NRAS: variants seen among roughly 807,000 people sequenced by gnomAD.
NRAS encodes the protein GTPase NRas.
NRAS carries 6 observed loss-of-function variants against 21.3 expected under a neutral mutation model. The ratio of observed to expected loss-of-function variants is 0.28; its 90% CI spans 0.15 to 0.56. The LOEUF (loss-of-function observed/expected upper bound fraction) is 0.56. NRAS is among the 20% of genes least tolerant of loss of function. NRAS has a pLI of 0.93. For synonymous variants in NRAS, 84 were observed against 82.0 expected, an observed-to-expected ratio of 1.02 and a Z score of -0.13; for missense variants, 143 against 231.3, an observed-to-expected ratio of 0.62 and a Z score of 2.48.
rs1557980400 is a variant in NRAS at position 114,707,171 on chromosome 1, C to T, written c.*923G>A. The stretch of plus-strand genomic sequence containing the variant: ...ATTACATACATTGTATAGGTAGTAA[C>T]CTATGAAAAAAGTGGAGATTAGGTA... On this transcript the variant is annotated 3_prime_UTR_variant, in exon 7 of 7. Coordinates refer to ENST00000369535, the MANE Select transcript of NRAS (RefSeq NM_002524.5). The T allele has an allele frequency of 1.3e-5, 2 of 152,440 alleles. No individual in the cohort carries two copies. The highest frequency in any genetic ancestry group is 2.9e-5 in the Non-Finnish European group (2 of 67,984). 9.4% of individuals were successfully genotyped at this position (152,440 alleles called of 1,614,324 possible). A position where few individuals can be genotyped will look rare whatever the true frequency, so the allele number is the denominator to read the frequency against.
chr1:114,708,333 T>A, intron 5 of NRAS, 141 bp from the exon 6 acceptor site: 2 of 603,572 alleles, frequency 3.3e-6, no homozygotes, highest in Non-Finnish European at 5.9e-6. Flanking sequence ...ACCAAAAATA[T>A]AAAGATACCT....
intron 4 of NRAS, among the ~76,000 whole-genome samples, chr1:114,708,855 A>C (rs1458506609): frequency 6.6e-6 from 1 of 152,254 alleles, no homozygotes; most frequent in African/African-American, 2.4e-5. Flanking sequence ...GAACAGGCTG[A>C]TATAAAAATG....
At chr1:114,716,550 C>A (rs1211416057) in intron 1 of NRAS, 108 bp downstream of exon 1, 5 of 352,104 alleles carry the variant, frequency 1.4e-5, no homozygotes, top group African/African-American at 1.1e-4. Context: ...GGACCCCCGC[C>A]CAAGGCCTTT....
chr1:114,710,526 GAAAGA>G lies in NRAS; in HGVS notation c.291-803_291-799del, dbSNP rs376689392. 3.5e-3 allele frequency among the ~76,000 whole-genome samples: 523 copies of G among 149,932 alleles called. 3 individuals carry two copies. The highest frequency in any genetic ancestry group is 0.012 in the African/African-American group (497 of 40,788). ...GAAAAAAGAAAGAAAAGAAAGGGAA[GAAAGA>G]AAAGAAAAGAGAAAAGAAAAAGAGA... is the stretch of plus-strand genomic sequence containing the variant. On this transcript the variant is annotated intron_variant, in intron 3 of 6. Coordinates refer to ENST00000369535, the MANE Select transcript of NRAS (RefSeq NM_002524.5).
intron 2 of NRAS, 152 bp from the exon 3 acceptor site, chr1:114,714,130 T>C (rs1348813265): frequency 7.4e-6 from 4 of 538,742 alleles, no homozygotes; most frequent in Non-Finnish European, 1.3e-5. Flanking sequence ...AAATTGCTAA[T>C]ATATAATCAC....
At position 114,707,336 on chromosome 1, in the gene NRAS, T is replaced by C. The variant is rs144222380; in HGVS notation, c.*758A>G. 4.6e-5 allele frequency: 7 copies of C among 152,750 alleles called. No homozygotes were observed. The highest frequency in any genetic ancestry group is 3.3e-4 in the Admixed American group (5 of 15,308). The allele number at this position is 152,750 out of a possible 1,614,324, so 9.5% of individuals were successfully genotyped here. The stretch of plus-strand genomic sequence containing the variant: ...TCAAATAGATATAGCTTTCCTTCAA[T>C]GGTAGATAAGTCACAGACGTATCTC... On this transcript the variant is annotated 3_prime_UTR_variant, in exon 7 of 7. Coordinates refer to ENST00000369535, the MANE Select transcript of NRAS (RefSeq NM_002524.5).
At position 114,716,170 on chromosome 1, in the gene NRAS, G is replaced by C. The variant is rs757183827; in HGVS notation, c.-10C>G. 6.3e-7 allele frequency: 1 copy of C among 1,584,306 alleles called. No homozygotes were observed. Among genetic ancestry groups the C allele is most frequent in the South Asian group, 1.1e-5 (1 of 90,460 alleles). ...GTTTGTACTCAGTCATTTCACACCA[G>C]CAAGAACCTGTTGGAAACCAGTAAT... On this transcript the variant is annotated 5_prime_UTR_variant, in exon 2 of 7. Coordinates refer to ENST00000369535, the MANE Select transcript of NRAS (RefSeq NM_002524.5).
intron 3 of NRAS, among the ~76,000 whole-genome samples, chr1:114,710,392 T>C (rs776060625): frequency 2.0e-5 from 3 of 148,610 alleles, no homozygotes; most frequent in Admixed American, 6.7e-5. Flanking sequence ...GGCGCATGCC[T>C]GTAGTCCCAG....
chr1:114,710,043 T>C lies in NRAS; in HGVS notation c.291-315A>G, dbSNP rs181673934. 4.3e-3 allele frequency among the ~76,000 whole-genome samples: 648 copies of C among 150,962 alleles called. 9 individuals carry two copies. Among genetic ancestry groups the C allele is most frequent in the Non-Finnish European group, 3.9e-3 (267 of 67,796 alleles). On this transcript the variant is annotated intron_variant, in intron 3 of 6. Transcript: ENST00000369535. Reference sequence around the variant, plus strand: ...CCATCTCTACTAAAAATACAAAAATTAGCCAGGTGTGGTGGCAGGCGCCTA... The same window carrying C: ...CCATCTCTACTAAAAATACAAAAATCAGCCAGGTGTGGTGGCAGGCGCCTA...
At chr1:114,716,381 AAC>A (rs918053940) in intron 1 of NRAS, among the ~76,000 whole-genome samples, 9 of 152,078 alleles carry the variant, frequency 5.9e-5, no homozygotes, top group African/African-American at 2.2e-4. Context: ...GCTATTTTTC[AAC>A]AGTCCTTGGG....
chr1:114,708,737 CTCTT>C, intron 4 of NRAS, 83 bp from the exon 5 acceptor site: 1 of 1,284,586 alleles, frequency 7.8e-7, no homozygotes, highest in Non-Finnish European at 1.1e-6. Flanking sequence ...GCATTTGTAT[CTCTT>C]TATGTGGACA....
chr1:114,714,687 T>C (rs1314642962), intron 2 of NRAS, among the ~76,000 whole-genome samples: 1 of 152,212 alleles, frequency 6.6e-6, no homozygotes, highest in Non-Finnish European at 1.5e-5. Context: ...TATACTGTTA[T>C]CTGGGTGGTA....
At chr1:114,711,699 C>G (rs1009412396) in intron 3 of NRAS, among the ~76,000 whole-genome samples, 2 of 151,960 alleles carry the variant, frequency 1.3e-5, no homozygotes, top group Non-Finnish European at 2.9e-5. Flanking sequence ...ATAAGAACTG[C>G]TCTTAGTAAA....
chr1:114,709,750 C>T, intron 3 of NRAS, 22 bp from the exon 4 acceptor site: 1 of 1,601,860 alleles, frequency 6.2e-7, no homozygotes, highest in Non-Finnish European at 8.6e-7. Flanking sequence ...AATATATTAT[C>T]AGAACATAAG....
At chr1:114,715,460 T>C (rs1659138723) in intron 2 of NRAS, among the ~76,000 whole-genome samples, 1 of 152,246 alleles carries the variant, frequency 6.6e-6, no homozygotes, top group African/African-American at 2.4e-5. Context: ...ATATATTATT[T>C]AACTTTCCAT....
intron 3 of NRAS, among the ~76,000 whole-genome samples, chr1:114,712,533 C>T (rs1659070380): frequency 6.6e-6 from 1 of 151,966 alleles, no homozygotes; most frequent in Non-Finnish European, 1.5e-5. Context: ...TAGATGCATG[C>T]CAAGTGTGGG....
At chr1:114,715,818 A>G (rs908169348) in intron 2 of NRAS, among the ~76,000 whole-genome samples, 2 of 152,226 alleles carry the variant, frequency 1.3e-5, no homozygotes, top group African/African-American at 4.8e-5. Context: ...CTCAACACTG[A>G]GTTTGCAATA....
chr1:114,710,423 G>A (rs1041733368), intron 3 of NRAS, among the ~76,000 whole-genome samples: 4 of 148,294 alleles, frequency 2.7e-5, no homozygotes, highest in African/African-American at 9.9e-5. Flanking sequence ...GACTGAGGTG[G>A]GAGGATCACC....
At chr1:114,708,381 G>T in intron 5 of NRAS, 150 bp downstream of exon 5, 1 of 756,382 alleles carries the variant, frequency 1.3e-6, no homozygotes, top group South Asian at 1.4e-5. Context: ...TTAGACCTCA[G>T]TACTTTCAGA....
Sources: allele counts gnomAD v4.1 joint callset (sites outside exome capture counted in the v4.1 genomes callset), GRCh38; gene constraint gnomAD v4.1.1; transcripts MANE v1.5; gene names NCBI Gene and HGNC (gene_info 2026-07-23, HGNC 2026-07-21).